ANK2: variants seen among roughly 807,000 people sequenced by gnomAD.
ANK2 encodes the protein ankyrin 2.
In ANK2, 83 loss-of-function variants were observed where a neutral mutation model predicts 360.5. The observed-to-expected ratio is 0.23, with a 90% CI of 0.19 to 0.28. The LOEUF (loss-of-function observed/expected upper bound fraction) is 0.28, where lower values mean the gene tolerates loss of function less well. Ranked by LOEUF, ANK2 falls within the 10% of genes least tolerant of loss-of-function variation. The probability of loss-of-function intolerance (pLI) is 1.00; values close to 1 mark genes in which losing one functional copy is unlikely to be tolerated. For synonymous variants in ANK2, 1,740 were observed against 1,759.5 expected, an observed-to-expected ratio of 0.99 and a Z score of 0.28; for missense variants, 4,201 against 4,795.7, an observed-to-expected ratio of 0.88 and a Z score of 3.66.
chr4:113,263,187 G>GAAAA (rs762758720), intron 13 of ANK2, among the ~76,000 whole-genome samples: 65 of 63,530 alleles, frequency 1.0e-3, no homozygotes, highest in East Asian at 1.4e-3. Context: ...GACTCTGTCT[G>GAAAA]AAAAAAAAAA....
intron 1 of ANK2, among the ~76,000 whole-genome samples, chr4:113,153,870 T>C (rs1351250340): frequency 1.3e-5 from 2 of 152,212 alleles, no homozygotes; most frequent in Non-Finnish European, 2.9e-5. Flanking sequence ...TTAACAAGAT[T>C]AAGCATAGTC....
chr4:112,837,261 T>G (rs2149754453), intron 1 of ANK2, among the ~76,000 whole-genome samples: 1 of 152,296 alleles, frequency 6.6e-6, no homozygotes, highest in East Asian at 1.9e-4. Context: ...AACGTCCATG[T>G]GGTGTTGGGC....
intron 1 of ANK2, among the ~76,000 whole-genome samples, chr4:112,832,369 C>G (rs2059986796): frequency 6.6e-6 from 1 of 152,146 alleles, no homozygotes; most frequent in Non-Finnish European, 1.5e-5. Flanking sequence ...GTGTAATTTA[C>G]TTATATACCA....
intron 1 of ANK2, among the ~76,000 whole-genome samples, chr4:112,867,251 TA>T (rs978650356): frequency 6.6e-6 from 1 of 152,080 alleles, no homozygotes; most frequent in Non-Finnish European, 1.5e-5. Context: ...TTTAAACTTT[TA>T]AAAGAATTAT....
At chr4:112,944,846 G>T (rs1016855494) in intron 2 of ANK2, among the ~76,000 whole-genome samples, 1 of 152,214 alleles carries the variant, frequency 6.6e-6, no homozygotes, top group African/African-American at 2.4e-5. Flanking sequence ...ATCTAATTCA[G>T]GTAGCTCTCC....
chr4:113,162,373 A>G (rs111477033), intron 1 of ANK2, among the ~76,000 whole-genome samples: 1,837 of 152,262 alleles, frequency 0.012, 25 homozygotes, highest in African/African-American at 0.042. Context: ...CCCTATTAGG[A>G]CATACAAAAC....
In ANK2 at chr4:113,029,567, T is replaced by G. The variant is rs148706747; in HGVS notation, c.21+125053T>G. Among the ~76,000 whole-genome samples, 139 of 152,190 alleles carry G rather than the reference T, an allele frequency of 9.1e-4. 1 individual carries two copies. The highest frequency in any genetic ancestry group is 4.0e-3 in the Admixed American group (61 of 15,276). ...TTTAAAAGATAGCTATAAATGAACG[T>G]GGCCGGAGTTCTTCTTTAGAAAATG... is the stretch of plus-strand genomic sequence containing the variant. On this transcript the variant is annotated intron_variant, in intron 2 of 30. Coordinates refer to the ANK2 transcript ENST00000503271.
At chr4:113,021,149 G>A (rs1460951012) in intron 2 of ANK2, among the ~76,000 whole-genome samples, 1 of 147,884 alleles carries the variant, frequency 6.8e-6, no homozygotes, top group Admixed American at 6.9e-5. Context: ...AAGCAGTGAT[G>A]TAAACCCTTC....
intron 1 of ANK2, among the ~76,000 whole-genome samples, chr4:113,152,065 C>CAAAAAAAAA (rs1232657248): frequency 4.8e-5 from 3 of 62,298 alleles, no homozygotes; most frequent in African/African-American, 2.1e-4. Flanking sequence ...GTCTCTGTCT[C>CAAAAAAAAA]AAAAAAAAAA....
intron 22 of ANK2, among the ~76,000 whole-genome samples, chr4:113,298,488 C>T (rs762386093): frequency 6.6e-6 from 1 of 152,154 alleles, no homozygotes; most frequent in African/African-American, 2.4e-5. Context: ...ATCAGTTAAA[C>T]ACACAGTTTC....
chr4:112,856,137 G>A (rs1432695636), intron 1 of ANK2, among the ~76,000 whole-genome samples: 2 of 152,064 alleles, frequency 1.3e-5, no homozygotes, highest in Non-Finnish European at 2.9e-5. Flanking sequence ...TTTTGACTAT[G>A]TCTAGTATTC....
intron 1 of ANK2, among the ~76,000 whole-genome samples, chr4:113,118,202 C>G (rs1429924311): frequency 6.6e-6 from 1 of 152,094 alleles, no homozygotes; most frequent in Admixed American, 6.6e-5. Flanking sequence ...AGTCAGTGAT[C>G]TAGATCTATA....
intron 23 of ANK2, among the ~76,000 whole-genome samples, chr4:113,310,880 A>C (rs1024886330): frequency 2.6e-5 from 4 of 152,112 alleles, no homozygotes; most frequent in African/African-American, 9.7e-5. Flanking sequence ...TAAAACTCAT[A>C]TTTTTTTCTG....
the ANK2 span, among the ~76,000 whole-genome samples, chr4:112,718,314 T>C: frequency 6.6e-6 from 1 of 152,176 alleles, no homozygotes; most frequent in Non-Finnish European, 1.5e-5. Flanking sequence ...CCTATTAGAC[T>C]TCTTAATTGT....
chr4:113,370,589 C>T (rs1564161845), intron 43 of ANK2, among the ~76,000 whole-genome samples: 1 of 152,020 alleles, frequency 6.6e-6, no homozygotes, highest in Non-Finnish European at 1.5e-5. Context: ...GAAACCTCGT[C>T]TCTACTACAA....
At chr4:113,153,655 A>T (rs1474074566) in intron 1 of ANK2, among the ~76,000 whole-genome samples, 1 of 152,230 alleles carries the variant, frequency 6.6e-6, no homozygotes, top group Non-Finnish European at 1.5e-5. Context: ...ATGATGACAT[A>T]GGATAAACTG....
chr4:113,151,261 G>A (rs2097070060), intron 1 of ANK2: 2 of 654,998 alleles, frequency 3.1e-6, no homozygotes, highest in Non-Finnish European at 4.4e-6. Flanking sequence ...TAGTTCATTT[G>A]TGTAGCTACA....
At chr4:112,897,919 A>G (rs2150791201) in intron 1 of ANK2, among the ~76,000 whole-genome samples, 1 of 152,272 alleles carries the variant, frequency 6.6e-6, no homozygotes, top group South Asian at 2.1e-4. Context: ...GAAAATATGC[A>G]TATTCTTCTC....
At chr4:112,810,471 T>C in the ANK2 span, among the ~76,000 whole-genome samples, 2 of 152,200 alleles carry the variant, frequency 1.3e-5, no homozygotes, top group African/African-American at 4.8e-5. Context: ...GTCAATGACC[T>C]GCATGATTCT....
Sources: gnomAD v4.1 joint callset for allele counts (sites outside exome capture counted in the v4.1 genomes callset) on GRCh38, gnomAD v4.1.1 for gene constraint, MANE v1.5 for transcripts, NCBI Gene and HGNC (gene_info 2026-07-23, HGNC 2026-07-21) for gene names.